The following KCNH5 variants were observed in gnomAD, a reference collection of about 807,000 sequenced individuals.
The protein encoded by KCNH5 is voltage-gated delayed rectifier potassium channel KCNH5.
In KCNH5, 46 loss-of-function variants were observed where a neutral mutation model predicts 96.1. The ratio of observed to expected loss-of-function variants is 0.48; its 90% CI spans 0.38 to 0.61. The LOEUF (loss-of-function observed/expected upper bound fraction) is 0.61, where lower values mean the gene tolerates loss of function less well. KCNH5 is among the 20% of genes least tolerant of loss of function. KCNH5 has a pLI of 0.00. For synonymous variants in KCNH5, 439 were observed against 449.8 expected, an observed-to-expected ratio of 0.98 and a Z score of 0.30; for missense variants, 907 against 1,225.8, an observed-to-expected ratio of 0.74 and a Z score of 3.88.
intron 10 of KCNH5, among the ~76,000 whole-genome samples, chr14:62,718,256 A>G (rs925106276): frequency 6.6e-6 from 1 of 152,200 alleles, no homozygotes; most frequent in Non-Finnish European, 1.5e-5. Context: ...CGACATATCC[A>G]TGCAACAAAC....
At chr14:62,812,087 T>A (rs1886883840) in intron 8 of KCNH5, among the ~76,000 whole-genome samples, 3 of 152,172 alleles carry the variant, frequency 2.0e-5, no homozygotes, top group Admixed American at 1.3e-4. Context: ...CCCAAACTCT[T>A]GAGTTCCAGC....
At chr14:62,998,602 T>G (rs1890953611) in intron 4 of KCNH5, among the ~76,000 whole-genome samples, 4 of 152,318 alleles carry the variant, frequency 2.6e-5, no homozygotes, top group Admixed American at 2.6e-4. Flanking sequence ...TGTTACATAT[T>G]TCCCTCTAAG....
At position 62,703,389 on chromosome 14, in the gene KCNH5, T is replaced by G. The variant is rs1884377495; in HGVS notation, c.*4119A>C. The G allele has an allele frequency of 6.6e-6, 1 of 152,040 alleles. No individual in the cohort carries two copies. The highest frequency in any genetic ancestry group is 2.1e-4 in the South Asian group (1 of 4,832). The allele number at this position is 152,040 out of a possible 1,614,324, so 9.4% of individuals were successfully genotyped here. ...TCGTGGATACTCTTCTATGAAAGAA[T>G]GAAAAAGTGATCACTTGTCATAATG... On this transcript the variant is annotated 3_prime_UTR_variant, in exon 11 of 11. Coordinates refer to ENST00000322893, the MANE Select transcript of KCNH5 (RefSeq NM_139318.5).
At chr14:62,773,885 G>T (rs550311861) in intron 10 of KCNH5, among the ~76,000 whole-genome samples, 4 of 152,074 alleles carry the variant, frequency 2.6e-5, no homozygotes, top group African/African-American at 9.6e-5. Context: ...GTAGGTTTCA[G>T]TATCTTTTAT....
intron 10 of KCNH5, among the ~76,000 whole-genome samples, chr14:62,773,166 G>C (rs536629386): frequency 1.3e-5 from 2 of 152,280 alleles, no homozygotes; most frequent in Admixed American, 6.5e-5. Flanking sequence ...CCAAGGACTA[G>C]ATTCCAGTCT....
At chr14:62,947,733 A>G (rs1258290718) in intron 7 of KCNH5, among the ~76,000 whole-genome samples, 1 of 152,054 alleles carries the variant, frequency 6.6e-6, no homozygotes, top group African/African-American at 2.4e-5. Context: ...ACACACACAC[A>G]CACAAAAACC....
At chr14:62,875,148 C>T (rs1249143718) in intron 7 of KCNH5, among the ~76,000 whole-genome samples, 4 of 147,348 alleles carry the variant, frequency 2.7e-5, no homozygotes, top group Non-Finnish European at 6.0e-5. Flanking sequence ...TGTGAAGGAC[C>T]TCTTCAAGGA....
At chr14:62,802,247 AT>A in intron 9 of KCNH5, 81 bp downstream of exon 9, 2 of 1,436,616 alleles carry the variant, frequency 1.4e-6, no homozygotes, top group Non-Finnish European at 1.9e-6. Context: ...AACAAAGGAA[AT>A]TTCTCTTTAA....
chr14:62,925,086 TTTTA>T (rs1889448642), intron 7 of KCNH5, among the ~76,000 whole-genome samples: 1 of 151,836 alleles, frequency 6.6e-6, no homozygotes, highest in Non-Finnish European at 1.5e-5. Context: ...TATATAAAAT[TTTTA>T]TTTGTCATAG....
At chr14:62,875,410 C>T (rs1888350889) in intron 7 of KCNH5, among the ~76,000 whole-genome samples, 1 of 152,170 alleles carries the variant, frequency 6.6e-6, no homozygotes, top group Admixed American at 6.5e-5. Flanking sequence ...AAGAACAAAG[C>T]TGGAGGCATC....
At chr14:63,005,204 C>T (rs7157827) in intron 3 of KCNH5, among the ~76,000 whole-genome samples, 30,562 of 152,042 alleles carry the variant, frequency 0.2, 3,628 homozygotes, top group East Asian at 0.38. Context: ...TCTCTTTGGG[C>T]TTGATGTAAA....
At chr14:62,861,948 C>A (rs1038601534) in intron 7 of KCNH5, among the ~76,000 whole-genome samples, 1 of 152,096 alleles carries the variant, frequency 6.6e-6, no homozygotes, top group African/African-American at 2.4e-5. Flanking sequence ...GAAAATACAA[C>A]AAGTCCTCTC....
intron 6 of KCNH5, among the ~76,000 whole-genome samples, chr14:62,969,920 G>A (rs1220521349): frequency 6.6e-6 from 1 of 150,554 alleles, no homozygotes; most frequent in Non-Finnish European, 1.5e-5. Flanking sequence ...AAATTAGCCA[G>A]GCGTGGTGGC....
intron 10 of KCNH5, among the ~76,000 whole-genome samples, chr14:62,727,455 C>T (rs961820747): frequency 2.6e-5 from 4 of 152,054 alleles, no homozygotes; most frequent in Non-Finnish European, 4.4e-5. Context: ...GACATGTTTC[C>T]TGTTCTGTTT....
intron 7 of KCNH5, among the ~76,000 whole-genome samples, chr14:62,943,154 T>C (rs764483603): frequency 3.2e-4 from 48 of 152,164 alleles, no homozygotes; most frequent in Admixed American, 7.9e-4. Context: ...TTCTTTCTTT[T>C]AGAAAATTAT....
At chr14:62,987,546 C>A (rs74058739) in intron 4 of KCNH5, among the ~76,000 whole-genome samples, 1 of 152,138 alleles carries the variant, frequency 6.6e-6, no homozygotes, top group Non-Finnish European at 1.5e-5. Flanking sequence ...TCTTGCATCT[C>A]AGTATGGCCT....
intron 9 of KCNH5, among the ~76,000 whole-genome samples, chr14:62,788,594 T>C (rs762596889): frequency 6.6e-5 from 10 of 152,128 alleles, no homozygotes; most frequent in Non-Finnish European, 1.2e-4. Flanking sequence ...AGAAATATTT[T>C]ATGAAAGGAA....
rs140232164 is a variant in KCNH5, at chr14:62,746,036, G to A, written c.2019+33692C>T. Among the ~76,000 whole-genome samples, 14 of 152,242 alleles carry A rather than the reference G, an allele frequency of 9.2e-5. No individual in the cohort carries two copies. In the East Asian group the frequency reaches 1.2e-3, roughly 13 times the overall value. ...TGGAGAACAAAATGGGGGAAGTGGC[G>A]ACAGAGGCAAGACTAGAAGTTTCTA... On this transcript the variant is annotated intron_variant, in intron 10 of 10. Transcript: ENST00000322893.
chr14:62,990,182 CA>C (rs1566530428), intron 4 of KCNH5, among the ~76,000 whole-genome samples: 2 of 151,852 alleles, frequency 1.3e-5, no homozygotes, highest in African/African-American at 4.8e-5. Flanking sequence ...TAAACAAATA[CA>C]AATCATCAAA....
Sources: allele counts gnomAD v4.1 joint callset (sites outside exome capture counted in the v4.1 genomes callset), GRCh38; gene constraint gnomAD v4.1.1; transcripts MANE v1.5; gene names NCBI Gene and HGNC (gene_info 2026-07-23, HGNC 2026-07-21).